Variants in SH3RF2 observed in about 807,000 individuals in gnomAD.
The protein encoded by SH3RF2 is E3 ubiquitin-protein ligase SH3RF2.
In SH3RF2, 43 loss-of-function variants were observed where a neutral mutation model predicts 59.0. That is an observed-to-expected ratio of 0.73 (90% CI 0.57 to 0.94). The LOEUF (loss-of-function observed/expected upper bound fraction) is 0.94, where lower values mean the gene tolerates loss of function less well. Ranked by LOEUF, SH3RF2 falls within the 40% of genes least tolerant of loss-of-function variation. The probability of loss-of-function intolerance (pLI) is 0.00; values close to 1 mark genes in which losing one functional copy is unlikely to be tolerated. For missense variants in SH3RF2, 930 were observed against 940.1 expected, an observed-to-expected ratio of 0.99 and a Z score of 0.14; for synonymous variants, 391 against 391.5, an observed-to-expected ratio of 1.00 and a Z score of 0.01.
At chr5:145,968,655 T>C (rs548765757) in intron 2 of SH3RF2, among the ~76,000 whole-genome samples, 2 of 152,374 alleles carry the variant, frequency 1.3e-5, no homozygotes, top group East Asian at 1.9e-4. Context: ...TCCATCAACA[T>C]ATTATTTCAA....
intron 5 of SH3RF2, among the ~76,000 whole-genome samples, chr5:146,027,225 C>A (rs1046979856): frequency 6.6e-6 from 1 of 152,112 alleles, no homozygotes; most frequent in Admixed American, 6.6e-5. Context: ...TCCGTGTGAA[C>A]CCATGTGAGA....
At chr5:146,067,055 CCTTA>C (rs1381458855), downstream of SH3RF2, among the ~76,000 whole-genome samples, 1 of 152,164 alleles carries the variant, frequency 6.6e-6, no homozygotes, top group East Asian at 1.9e-4. Context: ...GCATCAAGAT[CCTTA>C]CTTAGGACTT....
rs181008481 is a variant in SH3RF2, at chr5:146,010,013, T to G, written c.745-3734T>G. On this transcript the variant is annotated intron_variant, in intron 4 of 9. Coordinates refer to ENST00000359120, the MANE Select transcript of SH3RF2 (RefSeq NM_152550.4). ...CATTTACATTAGGTATATCTCCTAA[T>G]GCTATCCCTCCCCACTCCCCCCACC... Among the ~76,000 whole-genome samples, 1,030 of 152,302 alleles carry G rather than the reference T, an allele frequency of 6.8e-3. 14 individuals are homozygous for G. The highest frequency in any genetic ancestry group is 0.024 in the African/African-American group (1,003 of 41,556).
At chr5:146,016,273 C>A (rs1369162536) in intron 5 of SH3RF2, among the ~76,000 whole-genome samples, 2 of 151,712 alleles carry the variant, frequency 1.3e-5, no homozygotes, top group Non-Finnish European at 2.9e-5. Flanking sequence ...GATTCTACTA[C>A]CAAAACAAGA....
intron 5 of SH3RF2, among the ~76,000 whole-genome samples, chr5:146,039,468 G>C (rs1450237617): frequency 6.6e-6 from 1 of 150,666 alleles, no homozygotes; most frequent in Non-Finnish European, 1.5e-5. Flanking sequence ...CATATAACAA[G>C]AATGGCCCAT....
At position 146,003,056 on chromosome 5, in the gene SH3RF2, G is replaced by A. The variant is rs141093994; in HGVS notation, c.649-1002G>A. Reference sequence around the variant, plus strand: ...ATCAATCCTAATTCCTGAGGAGCATGGAACAGAATGTCAGAGAGATCAGAA... The same window carrying A: ...ATCAATCCTAATTCCTGAGGAGCATAGAACAGAATGTCAGAGAGATCAGAA... On this transcript the variant is annotated intron_variant, in intron 3 of 9. Coordinates refer to ENST00000359120, the MANE Select transcript of SH3RF2 (RefSeq NM_152550.4). Among the ~76,000 whole-genome samples, 7 of 152,304 alleles carry A rather than the reference G, an allele frequency of 4.6e-5. No individual in the cohort carries two copies. In the East Asian group the frequency reaches 1.3e-3, roughly 29 times the overall value.
intron 5 of SH3RF2, among the ~76,000 whole-genome samples, chr5:146,015,892 G>A (rs1054655639): frequency 5.3e-5 from 8 of 152,282 alleles, no homozygotes; most frequent in Non-Finnish European, 1.0e-4. Context: ...TTGTCCAAAG[G>A]TTGTAAAAAC....
At position 146,010,000 on chromosome 5, in the gene SH3RF2, G is replaced by A. The variant is rs573152415; in HGVS notation, c.745-3747G>A. Among the ~76,000 whole-genome samples, 14 of 152,178 alleles carry A rather than the reference G, an allele frequency of 9.2e-5. 3 individuals carry two copies. Among genetic ancestry groups the A allele is most frequent in the African/African-American group, 3.4e-4 (14 of 41,516 alleles). The stretch of plus-strand genomic sequence containing the variant: ...CCCATTAACTCGTCATTTACATTAG[G>A]TATATCTCCTAATGCTATCCCTCCC... On this transcript the variant is annotated intron_variant, in intron 4 of 9. Coordinates refer to ENST00000359120, the MANE Select transcript of SH3RF2 (RefSeq NM_152550.4).
intron 2 of SH3RF2, among the ~76,000 whole-genome samples, chr5:145,953,589 T>C (rs949056658): frequency 7.9e-5 from 12 of 152,300 alleles, no homozygotes; most frequent in African/African-American, 2.9e-4. Flanking sequence ...CAGGGGTACA[T>C]GTGAAGGTTT....
downstream of SH3RF2, among the ~76,000 whole-genome samples, chr5:146,066,553 G>T (rs1763110196): frequency 6.6e-6 from 1 of 152,214 alleles, no homozygotes; most frequent in South Asian, 2.1e-4. Flanking sequence ...AGAAGGGCCT[G>T]CCCAGGACTG....
intron 5 of SH3RF2, among the ~76,000 whole-genome samples, chr5:146,014,398 G>GGA (rs976649637): frequency 6.6e-6 from 1 of 152,092 alleles, no homozygotes; most frequent in African/African-American, 2.4e-5. Flanking sequence ...TTCCCTCTAA[G>GGA]GAGATGATGG....
In SH3RF2 at chr5:146,078,403, A is replaced by T. The variant is rs183600777; in HGVS notation, c.*34-57A>T. The T allele has an allele frequency of 4.7e-4, 72 of 152,360 alleles. 1 individual carries two copies. The highest frequency in any genetic ancestry group is 1.3e-3 in the African/African-American group (53 of 41,580). The allele number at this position is 152,360 out of a possible 1,614,324, so 9.4% of individuals were successfully genotyped here. Reference sequence around the variant, plus strand: ...GATGTTAAGAATTCTGAAGAACTATAGTTCTTCCCAGCTGCATTCGCACAC... The same window carrying T: ...GATGTTAAGAATTCTGAAGAACTATTGTTCTTCCCAGCTGCATTCGCACAC... On this transcript the variant is annotated intron_variant, in intron 9 of 9. Transcript: ENST00000511217.
chr5:145,953,926 T>C (rs1000647245), intron 2 of SH3RF2, among the ~76,000 whole-genome samples: 2 of 152,236 alleles, frequency 1.3e-5, no homozygotes, highest in Admixed American at 6.5e-5. Context: ...TCACGGTGTA[T>C]ATATATCACA....
intron 2 of SH3RF2, among the ~76,000 whole-genome samples, chr5:145,991,692 T>G (rs1354748670): frequency 1.3e-5 from 2 of 152,194 alleles, no homozygotes; most frequent in African/African-American, 4.8e-5. Flanking sequence ...TTAGTACTAT[T>G]TTAGGGTTTC....
chr5:146,062,642 A>G lies in SH3RF2; in HGVS notation c.2131A>G (p.Lys711Glu), dbSNP rs1248252213. ...TDLRRKSALGKATTLVSTASG... is the reference protein window; with the variant it reads ...TDLRRKSALGEATTLVSTASG... Reference sequence around the variant, plus strand: ...CCTCCGGAGAAAGTCAGCTCTTGGCAAGGCCACAACCCTGGTGTCCACTGC... The same window carrying G: ...CCTCCGGAGAAAGTCAGCTCTTGGCGAGGCCACAACCCTGGTGTCCACTGC... Residue 711 changes from lysine (K) to glutamate (E), a missense_variant, in exon 10 of 10, where the codon AAG becomes GAG. By Grantham distance (56) the Lys-to-Glu change is moderately conservative (BLOSUM62 1). Transcript: ENST00000359120. 2 of 1,614,196 alleles carry G rather than the reference A, an allele frequency of 1.2e-6. No individual in the cohort carries two copies. The highest frequency in any genetic ancestry group is 1.7e-5 in the Admixed American group (1 of 60,028).
chr5:146,020,548 C>T (rs1186613752), intron 5 of SH3RF2, among the ~76,000 whole-genome samples: 1 of 152,186 alleles, frequency 6.6e-6, no homozygotes, highest in South Asian at 2.1e-4. Flanking sequence ...CTTGCCACTG[C>T]TCCTCCGCAG....
intron 2 of SH3RF2, among the ~76,000 whole-genome samples, chr5:145,952,586 A>G (rs1313245440): frequency 1.3e-5 from 2 of 152,246 alleles, no homozygotes; most frequent in South Asian, 2.1e-4. Context: ...TATGTGTCAG[A>G]CACTAAACTA....
At chr5:146,068,620 A>G (rs553143112) in intron 9 of SH3RF2, among the ~76,000 whole-genome samples, 30 of 152,284 alleles carry the variant, frequency 2.0e-4, no homozygotes, top group Admixed American at 1.8e-3. Context: ...AGAATAAATC[A>G]TACAAGGACA....
chr5:145,998,051 A>T (rs990696120), intron 2 of SH3RF2: 1 of 595,256 alleles, frequency 1.7e-6, no homozygotes, highest in Non-Finnish European at 3.0e-6. Context: ...AAACTACAAG[A>T]TGTATGAAGT....
Sources: allele counts gnomAD v4.1 joint callset (sites outside exome capture counted in the v4.1 genomes callset), GRCh38; gene constraint gnomAD v4.1.1; transcripts MANE v1.5; gene names NCBI Gene and HGNC (gene_info 2026-07-23, HGNC 2026-07-21).